CADM2: variants seen among roughly 807,000 people sequenced by gnomAD.
CADM2 encodes immunoglobulin superfamily member 4D.
Under a neutral mutation model 49.8 loss-of-function variants are expected in CADM2, and 12 were observed. The observed-to-expected ratio is 0.24, with a 90% CI of 0.15 to 0.39. CADM2 has a LOEUF of 0.39. Ranked by LOEUF, CADM2 falls within the 10% of genes least tolerant of loss-of-function variation. The probability of loss-of-function intolerance (pLI) is 1.00; values close to 1 mark genes in which losing one functional copy is unlikely to be tolerated. For synonymous variants in CADM2, 214 were observed against 175.4 expected (o/e 1.22, Z -1.74); for missense variants, 378 against 492.3 (o/e 0.77, Z 2.20).
chr3:85,829,205 T>C (rs1295758085), intron 3 of CADM2, among the ~76,000 whole-genome samples: 2 of 151,894 alleles, frequency 1.3e-5, no homozygotes, highest in Non-Finnish European at 2.9e-5. Context: ...TCTTTAATAG[T>C]AGCCATTCAA....
intron 1 of CADM2, among the ~76,000 whole-genome samples, chr3:85,414,187 T>G (rs1476746074): frequency 6.6e-6 from 1 of 152,140 alleles, no homozygotes; most frequent in East Asian, 1.9e-4. Context: ...ATTTGTGACA[T>G]TAATGTGTGA....
At chr3:86,015,345 G>A (rs1253083622) in intron 8 of CADM2, among the ~76,000 whole-genome samples, 1 of 152,108 alleles carries the variant, frequency 6.6e-6, no homozygotes, top group African/African-American at 2.4e-5. Flanking sequence ...GTTTCCTTCT[G>A]CGTGTACTCT....
chr3:85,730,876 G>T (rs1353392604), intron 2 of CADM2, among the ~76,000 whole-genome samples: 1 of 152,086 alleles, frequency 6.6e-6, no homozygotes. Context: ...CCAGCTTTTA[G>T]ATATTATTTT....
At chr3:84,964,538 A>G (rs1429865549) in intron 1 of CADM2, among the ~76,000 whole-genome samples, 4 of 152,198 alleles carry the variant, frequency 2.6e-5, no homozygotes, top group African/African-American at 9.7e-5. Flanking sequence ...CCCATTGGCT[A>G]AGTCACCTAT....
Position 85,767,961 on chromosome 3 carries a change from CAAAG to C in CADM2, c.89-34084_89-34081del, listed in dbSNP as rs1307965393. Reference sequence around the variant, plus strand: ...AACAGATTTATTAAAATCTATACAACAAAGATAGTAAATTATCATATCTGTTTTG... The same window carrying C: ...AACAGATTTATTAAAATCTATACAACATAGTAAATTATCATATCTGTTTTG... On this transcript the variant is annotated intron_variant, in intron 2 of 9. Transcript: ENST00000383699. Among the ~76,000 whole-genome samples the C allele has an allele frequency of 7.9e-5, 12 of 152,150 alleles. No individual in the cohort carries two copies. In the East Asian group the frequency reaches 2.3e-3, roughly 29 times the overall value.
At chr3:85,573,876 C>T (rs1052271461) in intron 1 of CADM2, among the ~76,000 whole-genome samples, 3 of 152,126 alleles carry the variant, frequency 2.0e-5, no homozygotes, top group Non-Finnish European at 2.9e-5. Flanking sequence ...TCCTCACCAT[C>T]CTCACCACAT....
chr3:85,132,888 C>T (rs1020168938), intron 1 of CADM2, among the ~76,000 whole-genome samples: 13 of 152,088 alleles, frequency 8.5e-5, no homozygotes, highest in African/African-American at 3.1e-4. Flanking sequence ...AGAATGAAGC[C>T]GCGGACCCTG....
chr3:85,156,962 CCTT>C (rs2040148368), intron 1 of CADM2, among the ~76,000 whole-genome samples: 2 of 152,170 alleles, frequency 1.3e-5, no homozygotes, highest in South Asian at 2.1e-4. Flanking sequence ...CCCAAAATCT[CCTT>C]AAGCTGATAA....
intron 1 of CADM2, among the ~76,000 whole-genome samples, chr3:85,419,321 G>C (rs2036060289): frequency 6.6e-6 from 1 of 152,114 alleles, no homozygotes; most frequent in African/African-American, 2.4e-5. Context: ...AGCTGGGCGT[G>C]GTGGCGGGCG....
rs375092372 is a variant in CADM2, at chr3:85,287,082, T to C, written c.61+327414T>C. ...GAGTAGCAGAAGTATAGAATTTAACTGAACAAATAACTTCAAATATAATGC... is the reference window on the plus strand; with the variant it reads ...GAGTAGCAGAAGTATAGAATTTAACCGAACAAATAACTTCAAATATAATGC... On this transcript the variant is annotated intron_variant, in intron 1 of 9. Coordinates refer to ENST00000383699, the MANE Select transcript of CADM2 (RefSeq NM_001167675.2). 8.5e-5 allele frequency among the ~76,000 whole-genome samples: 13 copies of C among 152,254 alleles called. No individual in the cohort carries two copies. In the East Asian group the frequency reaches 2.1e-3, roughly 25 times the overall value.
chr3:85,696,282 T>A, intron 1 of CADM2, among the ~76,000 whole-genome samples: 1 of 152,264 alleles, frequency 6.6e-6, no homozygotes. Context: ...AAGTCCCATT[T>A]ATTTATTGTT....
At chr3:85,269,949 T>C (rs914441463) in intron 1 of CADM2, among the ~76,000 whole-genome samples, 1 of 151,356 alleles carries the variant, frequency 6.6e-6, no homozygotes, top group African/African-American at 2.4e-5. Flanking sequence ...TAACCCACAA[T>C]ATCGTTTACA....
intron 8 of CADM2, among the ~76,000 whole-genome samples, chr3:86,030,368 GT>G (rs909251451): frequency 2.2e-4 from 34 of 151,828 alleles, no homozygotes; most frequent in Non-Finnish European, 4.3e-4. Context: ...ACAAATTTCA[GT>G]TTTTTTCTTT....
At chr3:85,088,871 T>A (rs890148743) in intron 1 of CADM2, among the ~76,000 whole-genome samples, 6 of 152,122 alleles carry the variant, frequency 3.9e-5, no homozygotes, top group Non-Finnish European at 7.4e-5. Context: ...AGTATTTACA[T>A]CGATGCTCTC....
intron 1 of CADM2, among the ~76,000 whole-genome samples, chr3:85,717,337 A>G (rs1307709944): frequency 1.3e-5 from 2 of 152,112 alleles, no homozygotes; most frequent in East Asian, 1.9e-4. Context: ...ATTTTTGCAC[A>G]TTGATTTTGT....
chr3:85,235,192 T>C (rs1460079179), intron 1 of CADM2, among the ~76,000 whole-genome samples: 1 of 152,142 alleles, frequency 6.6e-6, no homozygotes, highest in African/African-American at 2.4e-5. Context: ...GAATATTTCA[T>C]GTAGATGGTT....
At chr3:85,484,095 G>T (rs2107633000) in intron 1 of CADM2, among the ~76,000 whole-genome samples, 1 of 151,954 alleles carries the variant, frequency 6.6e-6, no homozygotes, top group East Asian at 1.9e-4. Context: ...CATATCCCAT[G>T]TGTATATAAA....
At chr3:85,870,707 C>T (rs1042546994) in intron 3 of CADM2, among the ~76,000 whole-genome samples, 1 of 152,058 alleles carries the variant, frequency 6.6e-6, no homozygotes, top group Non-Finnish European at 1.5e-5. Context: ...CTACAATGAA[C>T]AAAATGTATG....
At chr3:85,422,806 G>A (rs541043337) in intron 1 of CADM2, among the ~76,000 whole-genome samples, 4 of 152,012 alleles carry the variant, frequency 2.6e-5, no homozygotes, top group Non-Finnish European at 5.9e-5. Flanking sequence ...AGGTGAGCAG[G>A]TACAGGAGCT....
Sources: gnomAD v4.1 joint callset for allele counts (sites outside exome capture counted in the v4.1 genomes callset) on GRCh38, gnomAD v4.1.1 for gene constraint, MANE v1.5 for transcripts, NCBI Gene and HGNC (gene_info 2026-07-23, HGNC 2026-07-21) for gene names.